Variants in CHRM2 observed in about 807,000 individuals in gnomAD.
The protein encoded by CHRM2 is cholinergic receptor muscarinic 2.
Under a neutral mutation model 25.0 loss-of-function variants are expected in CHRM2, and 8 were observed. That is an observed-to-expected ratio of 0.32 (90% CI 0.19 to 0.58). The LOEUF is 0.58. CHRM2 is among the 20% of genes least tolerant of loss of function. The probability of loss-of-function intolerance (pLI) is 0.88; values close to 1 mark genes in which losing one functional copy is unlikely to be tolerated. For missense variants in CHRM2, 440 were observed against 567.1 expected (o/e 0.78, Z 2.28); for synonymous variants, 202 against 205.7 (o/e 0.98, Z 0.15).
chr7:136,886,669 C>T (rs1268314893), intron 2 of CHRM2, among the ~76,000 whole-genome samples: 1 of 151,910 alleles, frequency 6.6e-6, no homozygotes. Flanking sequence ...GAGTTCAAGA[C>T]CAGTCTGGGC....
chr7:136,980,656 G>A (rs1235827049), intron 2 of CHRM2, among the ~76,000 whole-genome samples: 1 of 152,118 alleles, frequency 6.6e-6, no homozygotes, highest in African/African-American at 2.4e-5. Flanking sequence ...GCAAGAAGGG[G>A]TGTTGAATTT....
Position 136,977,582 on chromosome 7 carries a change from A to T in CHRM2, c.-124-14605A>T, listed in dbSNP as rs572749841. The stretch of plus-strand genomic sequence containing the variant: ...CAACGCAGTCTTGAGGTATCAGAAA[A>T]GGTTTCTCACAGAAATTACTTTTAA... On this transcript the variant is annotated intron_variant, in intron 2 of 3. Coordinates refer to ENST00000680005, the MANE Select transcript of CHRM2 (RefSeq NM_001006630.2). Among the ~76,000 whole-genome samples, 5 of 152,326 alleles carry T rather than the reference A, an allele frequency of 3.3e-5. No homozygotes were observed. In the East Asian group the frequency reaches 9.7e-4, roughly 29 times the overall value.
chr7:136,918,841 T>C (rs969105365), intron 2 of CHRM2, among the ~76,000 whole-genome samples: 1 of 152,054 alleles, frequency 6.6e-6, no homozygotes, highest in Non-Finnish European at 1.5e-5. Flanking sequence ...ATCTGTTCTC[T>C]CCTTGGAGAG....
chr7:136,904,347 C>T (rs10488599), intron 2 of CHRM2, among the ~76,000 whole-genome samples: 24,287 of 151,778 alleles, frequency 0.16, 2,223 homozygotes, highest in East Asian at 0.41. Context: ...TGCCTATTCA[C>T]ATTTTCTATA....
intron 2 of CHRM2, among the ~76,000 whole-genome samples, chr7:136,976,602 G>A (rs1456945367): frequency 1.3e-5 from 2 of 152,110 alleles, no homozygotes; most frequent in East Asian, 3.9e-4. Flanking sequence ...GTTATTTGTA[G>A]GACAAAATAA....
At chr7:136,955,488 C>T (rs753569902) in intron 2 of CHRM2, among the ~76,000 whole-genome samples, 7 of 152,196 alleles carry the variant, frequency 4.6e-5, no homozygotes, top group Non-Finnish European at 1.0e-4. Context: ...CAACCTTATG[C>T]ACTGTCACCT....
intron 3 of CHRM2, among the ~76,000 whole-genome samples, chr7:137,012,580 C>T (rs1804894102): frequency 6.6e-6 from 1 of 151,954 alleles, no homozygotes; most frequent in Non-Finnish European, 1.5e-5. Flanking sequence ...AACTATATAA[C>T]TTTCCACAGC....
intron 2 of CHRM2, among the ~76,000 whole-genome samples, chr7:136,942,639 G>A (rs1799838510): frequency 6.6e-6 from 1 of 152,038 alleles, no homozygotes; most frequent in Non-Finnish European, 1.5e-5. Context: ...ATCACTCCTT[G>A]ACAGAGGCTC....
intron 2 of CHRM2, among the ~76,000 whole-genome samples, chr7:136,961,130 A>T (rs1373923874): frequency 1.3e-4 from 20 of 152,292 alleles, no homozygotes; most frequent in Admixed American, 1.3e-4. Flanking sequence ...ATTAAAAAAA[A>T]AAATTAATTA....
chr7:136,931,385 C>T (rs552035996), intron 2 of CHRM2, among the ~76,000 whole-genome samples: 2 of 152,116 alleles, frequency 1.3e-5, no homozygotes, highest in Non-Finnish European at 1.5e-5. Context: ...CCTAAAGTGG[C>T]GAGCCCCAAG....
chr7:136,979,386 T>G (rs922951736), intron 2 of CHRM2, among the ~76,000 whole-genome samples: 1 of 152,222 alleles, frequency 6.6e-6, no homozygotes, highest in Non-Finnish European at 1.5e-5. Flanking sequence ...TTTCTCCTAT[T>G]CTGTAGGTTG....
At chr7:137,003,504 AC>A (rs1804204412) in intron 3 of CHRM2, among the ~76,000 whole-genome samples, 1 of 149,244 alleles carries the variant, frequency 6.7e-6, no homozygotes, top group African/African-American at 2.5e-5. Context: ...ACACACACAC[AC>A]ACACACACAC....
chr7:136,888,573 G>C (rs1475836634), intron 2 of CHRM2, among the ~76,000 whole-genome samples: 1 of 152,138 alleles, frequency 6.6e-6, no homozygotes, highest in East Asian at 1.9e-4. Context: ...GTGAGTTTAA[G>C]AAATGAGGGA....
At chr7:137,006,193 A>ATT (rs1804413107) in intron 3 of CHRM2, among the ~76,000 whole-genome samples, 1 of 152,154 alleles carries the variant, frequency 6.6e-6, no homozygotes, top group Non-Finnish European at 1.5e-5. Context: ...ATGGAATTTC[A>ATT]TTTTTAAAAG....
rs575095583 is a variant in CHRM2, at chr7:136,968,978, T to C, written c.-124-23209T>C. 2.8e-4 allele frequency among the ~76,000 whole-genome samples: 43 copies of C among 151,972 alleles called. 1 individual carries two copies. The highest frequency in any genetic ancestry group is 9.6e-4 in the African/African-American group (40 of 41,506). On this transcript the variant is annotated intron_variant, in intron 2 of 3. Coordinates refer to ENST00000680005, the MANE Select transcript of CHRM2 (RefSeq NM_001006630.2). The stretch of plus-strand genomic sequence containing the variant: ...GCTCAGGGAAAGAGCAGTAATAGTT[T>C]CACTCATCAGAGCCTGTGTGAATAC...
At chr7:136,917,435 G>T (rs1308693291) in intron 2 of CHRM2, among the ~76,000 whole-genome samples, 1 of 152,010 alleles carries the variant, frequency 6.6e-6, no homozygotes, top group Non-Finnish European at 1.5e-5. Context: ...TTGATCCACT[G>T]AAAGGAGAGG....
At chr7:136,964,847 A>C (rs1166434845) in intron 2 of CHRM2, among the ~76,000 whole-genome samples, 1 of 152,190 alleles carries the variant, frequency 6.6e-6, no homozygotes, top group African/African-American at 2.4e-5. Flanking sequence ...TAAAGTGTCC[A>C]AAACTAACAA....
chr7:136,888,546 G>C (rs572492572), intron 2 of CHRM2, among the ~76,000 whole-genome samples: 1 of 152,106 alleles, frequency 6.6e-6, no homozygotes, highest in Non-Finnish European at 1.5e-5. Flanking sequence ...TTGGGCAAAA[G>C]GTCTCTGTGG....
intron 2 of CHRM2, among the ~76,000 whole-genome samples, chr7:136,953,610 AGTGAAGAT>A (rs1800543714): frequency 6.6e-6 from 1 of 152,210 alleles, no homozygotes. Flanking sequence ...ACTGACAGGC[AGTGAAGAT>A]GAAAAAGATG....
Sources: allele counts gnomAD v4.1 joint callset (sites outside exome capture counted in the v4.1 genomes callset), GRCh38; gene constraint gnomAD v4.1.1; transcripts MANE v1.5; gene names NCBI Gene and HGNC (gene_info 2026-07-23, HGNC 2026-07-21).